The following NELL1 variants were observed in gnomAD, a reference collection of about 807,000 sequenced individuals.
NELL1 encodes protein kinase C-binding protein NELL1.
A neutral mutation model predicts 107.4 loss-of-function variants in NELL1; 76 were observed. The ratio of observed to expected loss-of-function variants is 0.71; its 90% CI spans 0.59 to 0.86. The LOEUF (loss-of-function observed/expected upper bound fraction) is 0.86. Among genes scored for constraint, NELL1 ranks in the 40% least tolerant of loss-of-function variants. The probability of loss-of-function intolerance (pLI) is 0.00; values close to 1 mark genes in which losing one functional copy is unlikely to be tolerated. For synonymous variants in NELL1, 353 were observed against 341.2 expected (o/e 1.03, Z -0.38); for missense variants, 1,024 against 1,005.5 (o/e 1.02, Z -0.25).
chr11:21,103,591 A>G (rs74561903), intron 12 of NELL1, among the ~76,000 whole-genome samples: 6,892 of 152,322 alleles, frequency 0.045, 502 homozygotes, highest in African/African-American at 0.15. Flanking sequence ...GGTGGTTAAT[A>G]AATGGTACCT....
At chr11:21,294,886 A>G (rs1849342580) in intron 14 of NELL1, among the ~76,000 whole-genome samples, 1 of 152,100 alleles carries the variant, frequency 6.6e-6, no homozygotes, top group Non-Finnish European at 1.5e-5. Context: ...AATTTAAGAA[A>G]TGTAAAGAAA....
intron 5 of NELL1, among the ~76,000 whole-genome samples, chr11:20,915,016 A>G (rs916557561): frequency 6.6e-6 from 1 of 152,060 alleles, no homozygotes; most frequent in African/African-American, 2.4e-5. Context: ...TGTATAATTC[A>G]TAGTTTTCAA....
chr11:21,563,281 G>T (rs1284429110), intron 17 of NELL1, among the ~76,000 whole-genome samples: 7 of 152,054 alleles, frequency 4.6e-5, no homozygotes, highest in Non-Finnish European at 1.5e-5. Flanking sequence ...ACATGGGAAG[G>T]TAGAGACGTC....
intron 14 of NELL1, among the ~76,000 whole-genome samples, chr11:21,291,302 A>G (rs1211677742): frequency 6.6e-6 from 1 of 152,206 alleles, no homozygotes; most frequent in African/African-American, 2.4e-5. Flanking sequence ...ATGAGAGCAA[A>G]GACACAACGT....
In NELL1 at chr11:20,963,947, A is replaced by G. The variant is rs1851340103; in HGVS notation, c.1300+3387A>G. 2.0e-5 allele frequency among the ~76,000 whole-genome samples: 3 copies of G among 152,274 alleles called. No individual in the cohort carries two copies. The South Asian group carries it at 6.2e-4, about 32-fold the overall frequency. On this transcript the variant is annotated intron_variant, in intron 12 of 19. Coordinates refer to ENST00000357134, the MANE Select transcript of NELL1 (RefSeq NM_006157.5). Reference sequence around the variant, plus strand: ...CCTAAGGTAGAAGCAGAGAGGTGGCATATTGGCTCCTGCTCTGTAGAGATT... The same window carrying G: ...CCTAAGGTAGAAGCAGAGAGGTGGCGTATTGGCTCCTGCTCTGTAGAGATT...
intron 7 of NELL1, among the ~76,000 whole-genome samples, chr11:20,919,830 G>C (rs1466253550): frequency 6.6e-6 from 1 of 152,094 alleles, no homozygotes; most frequent in African/African-American, 2.4e-5. Flanking sequence ...AATAGCAAAG[G>C]AGGCAAAGTT....
chr11:20,871,412 A>C (rs1433959668), intron 4 of NELL1, among the ~76,000 whole-genome samples: 2 of 152,202 alleles, frequency 1.3e-5, no homozygotes, highest in Admixed American at 1.3e-4. Context: ...CTAAGAGGAC[A>C]GGGATATAAT....
chr11:21,499,342 G>C (rs1287082882), intron 15 of NELL1, among the ~76,000 whole-genome samples: 1 of 152,000 alleles, frequency 6.6e-6, no homozygotes, highest in Non-Finnish European at 1.5e-5. Flanking sequence ...CACTGATAAT[G>C]CTTCTATTAT....
chr11:21,029,812 A>G (rs1052983735), intron 12 of NELL1, among the ~76,000 whole-genome samples: 6 of 152,176 alleles, frequency 3.9e-5, no homozygotes, highest in African/African-American at 1.4e-4. Context: ...CCAGCTTTCA[A>G]TCCTCTCCAA....
At chr11:21,134,622 G>A (rs1855702486) in intron 13 of NELL1, among the ~76,000 whole-genome samples, 1 of 152,230 alleles carries the variant, frequency 6.6e-6, no homozygotes, top group African/African-American at 2.4e-5. Flanking sequence ...TGCACTGAGG[G>A]TAGATGGAAG....
chr11:21,457,060 A>T (rs1853764756), intron 15 of NELL1, among the ~76,000 whole-genome samples: 1 of 152,188 alleles, frequency 6.6e-6, no homozygotes, highest in Non-Finnish European at 1.5e-5. Context: ...GAAAATGTGT[A>T]AATAAATAAA....
chr11:21,543,161 A>G (rs988607235), intron 16 of NELL1, among the ~76,000 whole-genome samples: 3 of 152,060 alleles, frequency 2.0e-5, no homozygotes, highest in Admixed American at 2.0e-4. Context: ...CACCCTACAC[A>G]TAAGATATTT....
chr11:21,226,938 A>T (rs1857908762), intron 13 of NELL1, among the ~76,000 whole-genome samples: 1 of 152,192 alleles, frequency 6.6e-6, no homozygotes, highest in Non-Finnish European at 1.5e-5. Context: ...CTAGAGAGGT[A>T]GAAACAAACT....
At chr11:21,268,455 G>A (rs1246106048) in intron 14 of NELL1, among the ~76,000 whole-genome samples, 1 of 152,074 alleles carries the variant, frequency 6.6e-6, no homozygotes, top group Non-Finnish European at 1.5e-5. Flanking sequence ...TTTTATCAGA[G>A]CCTACCCAAT....
chr11:21,568,027 C>A (rs2134010195), intron 17 of NELL1, among the ~76,000 whole-genome samples: 1 of 151,836 alleles, frequency 6.6e-6, no homozygotes, highest in African/African-American at 2.4e-5. Context: ...CACTTAATGA[C>A]AGGGATACAT....
At chr11:21,409,339 C>A (rs573123172) in intron 15 of NELL1, among the ~76,000 whole-genome samples, 5 of 152,030 alleles carry the variant, frequency 3.3e-5, no homozygotes, top group South Asian at 2.1e-4. Context: ...TGACAAAAAA[C>A]CAAACACTGC....
intron 14 of NELL1, among the ~76,000 whole-genome samples, chr11:21,306,216 A>T (rs1849601473): frequency 6.6e-6 from 1 of 152,016 alleles, no homozygotes; most frequent in South Asian, 2.1e-4. Flanking sequence ...AGTCAAGCCA[A>T]ATTGTCAATA....
intron 15 of NELL1, among the ~76,000 whole-genome samples, chr11:21,447,854 T>C (rs1001538715): frequency 3.9e-5 from 6 of 152,128 alleles, no homozygotes; most frequent in Non-Finnish European, 7.3e-5. Flanking sequence ...ATCAAGTATA[T>C]TTAGGACCCC....
intron 14 of NELL1, among the ~76,000 whole-genome samples, chr11:21,368,796 G>A (rs2133750142): frequency 6.6e-6 from 1 of 152,158 alleles, no homozygotes; most frequent in Admixed American, 6.6e-5. Context: ...CCTGGTCCGT[G>A]TCCGTGTTTC....
Sources: allele counts gnomAD v4.1 joint callset (sites outside exome capture counted in the v4.1 genomes callset), GRCh38; gene constraint gnomAD v4.1.1; transcripts MANE v1.5; gene names NCBI Gene and HGNC (gene_info 2026-07-23, HGNC 2026-07-21).